The following MAP7D2 variants were observed in gnomAD, a reference collection of about 807,000 sequenced individuals.
MAP7D2 encodes the protein MAP7 domain-containing protein 2.
A neutral mutation model predicts 63.5 loss-of-function variants in MAP7D2; 33 were observed. The ratio of observed to expected loss-of-function variants is 0.52; its 90% CI spans 0.39 to 0.70. The LOEUF (loss-of-function observed/expected upper bound fraction) is 0.70. Ranked by LOEUF, MAP7D2 falls within the 30% of genes least tolerant of loss-of-function variation. The pLI, the probability that MAP7D2 is intolerant of heterozygous loss-of-function variation, is 0.00. For synonymous variants in MAP7D2, 224 were observed against 223.7 expected (o/e 1.00, Z -0.01); for missense variants, 626 against 604.0 (o/e 1.04, Z -0.38).
intron 1 of MAP7D2, among the ~76,000 whole-genome samples, chrX:20,066,958 T>C (rs2065376737): frequency 1.8e-5 from 2 of 112,248 alleles, no homozygotes; most frequent in African/African-American, 6.5e-5. Flanking sequence ...AGGTGTGAAG[T>C]TAGTGGAAGG....
At chrX:20,010,366 T>C (rs958058948) in intron 16 of MAP7D2, among the ~76,000 whole-genome samples, 1 of 112,141 alleles carries the variant, frequency 8.9e-6, no homozygotes, top group Admixed American at 9.4e-5. Flanking sequence ...TGTGGCCCTG[T>C]ATATGAATGA....
chrX:20,024,673 A>G (rs1438749037), intron 10 of MAP7D2, among the ~76,000 whole-genome samples: 2 of 112,271 alleles, frequency 1.8e-5, no homozygotes, highest in African/African-American at 6.5e-5. Flanking sequence ...GCCTGGCCCC[A>G]AAGTCCAAGA....
chrX:20,096,893 C>A (rs760101084), intron 1 of MAP7D2, among the ~76,000 whole-genome samples: 5 of 112,043 alleles, frequency 4.5e-5, no homozygotes, highest in Non-Finnish European at 3.8e-5. Context: ...AAAATGAATA[C>A]CCTTTTTGTA....
Position 20,106,851 on chromosome X carries a change from C to T in MAP7D2, c.130+9899G>A, listed in dbSNP as rs1368636391. Among the ~76,000 whole-genome samples the T allele has an allele frequency of 4.5e-5, 5 of 110,928 alleles. No homozygotes were observed. The Admixed American group carries it at 4.8e-4, about 11-fold the overall frequency. On this transcript the variant is annotated intron_variant, in intron 1 of 16. Transcript: ENST00000379643. The stretch of plus-strand genomic sequence containing the variant: ...TTCAAAAATGATCCAGGCATGGTGG[C>T]ACTCACCTGTGGTCCTGGCTACTTG...
rs1345059441 is a variant in MAP7D2 at position 20,042,409 on chromosome X, G to A, written c.1007+93C>T. ...CCACTTCTGGCTGGCCACGCCTCAC[G>A]GGGGAGCAGGAGCTGCAACACTGGA... On this transcript the variant is annotated intron_variant, in intron 8 of 16. Coordinates refer to ENST00000379643, the MANE Select transcript of MAP7D2 (RefSeq NM_001168465.2). The A allele has an allele frequency of 8.6e-5, 91 of 1,055,889 alleles. 1 individual carries two copies. The highest frequency in any genetic ancestry group is 1.0e-4 in the Non-Finnish European group (80 of 767,515). 87.0% of individuals were successfully genotyped at this position (1,055,889 alleles called of 1,213,427 possible).
At chrX:20,055,579 T>C (rs1424911394) in intron 4 of MAP7D2, among the ~76,000 whole-genome samples, 4 of 111,210 alleles carry the variant, frequency 3.6e-5, no homozygotes, top group Non-Finnish European at 7.5e-5. Context: ...AACAAAGAAA[T>C]ATGGGCATGT....
intron 5 of MAP7D2, among the ~76,000 whole-genome samples, 179 bp from the exon 6 acceptor site, chrX:20,051,125 G>A: frequency 8.9e-6 from 1 of 112,455 alleles, no homozygotes; most frequent in Non-Finnish European, 1.9e-5. Context: ...AACAAATAAT[G>A]TGTCCTTTAG....
rs748751207 is a variant in MAP7D2 at position 20,047,208 on chromosome X, C to T, written c.719-2684G>A. ...CTGGGACTGAGCTGAATTACCTGCA[C>T]TGGACTGAGCACCCTGAGGCACCAG... is the stretch of plus-strand genomic sequence containing the variant. On this transcript the variant is annotated intron_variant, in intron 6 of 16. Coordinates refer to ENST00000379643, the MANE Select transcript of MAP7D2 (RefSeq NM_001168465.2). 6.2e-5 allele frequency among the ~76,000 whole-genome samples: 7 copies of T among 112,726 alleles called. No individual in the cohort carries two copies. In the South Asian group the frequency reaches 2.5e-3, roughly 41 times the overall value.
chrX:20,107,439 C>G (rs1371921995), intron 1 of MAP7D2, among the ~76,000 whole-genome samples: 1 of 110,863 alleles, frequency 9.0e-6, no homozygotes, highest in Non-Finnish European at 1.9e-5. Context: ...GGCGTGGTGG[C>G]ATGTGCCTAT....
At chrX:20,111,570 T>C (rs778066471) in intron 1 of MAP7D2, among the ~76,000 whole-genome samples, 1 of 111,663 alleles carries the variant, frequency 9.0e-6, no homozygotes, top group Admixed American at 9.5e-5. Context: ...TCGTGGTCTC[T>C]ATATAGACAG....
At position 20,063,476 on chromosome X, in the gene MAP7D2, G is replaced by A. The variant is rs1342772059; in HGVS notation, c.310C>T (p.Arg104Trp). Residue 104 changes from arginine to tryptophan, a missense_variant, in exon 3 of 17, where the codon CGG becomes TGG. Physicochemically the swap from Arg to Trp is moderately radical, Grantham distance 101. Transcript: ENST00000379643. ...ACAGCAGCTCTCTTTTGGTCCTCCC[G>A]CTGCCGCTGCTCTTCCAGTTTTCGC... is the stretch of plus-strand genomic sequence containing the variant. ...RWRKLEEQRQREDQKRAAVEE... is the reference protein window; with the variant it reads ...RWRKLEEQRQWEDQKRAAVEE... 5 of 1,211,601 alleles carry A rather than the reference G, an allele frequency of 4.1e-6. No individual in the cohort carries two copies. The highest frequency in any genetic ancestry group is 3.5e-5 in the South Asian group (2 of 56,949).
intron 1 of MAP7D2, among the ~76,000 whole-genome samples, chrX:20,065,720 T>C (rs766967433): frequency 5.4e-5 from 6 of 111,792 alleles, no homozygotes; most frequent in Admixed American, 3.8e-4. Flanking sequence ...ATGGAACAAA[T>C]GACAACTTCC....
intron 1 of MAP7D2, among the ~76,000 whole-genome samples, chrX:20,090,346 A>G (rs1462728712): frequency 1.2e-5 from 1 of 83,793 alleles, no homozygotes; most frequent in African/African-American, 4.7e-5. Flanking sequence ...CCTGGGCGAC[A>G]GAGTGAGACT....
chrX:20,045,382 C>T (rs1688488333), intron 6 of MAP7D2, among the ~76,000 whole-genome samples: 1 of 109,056 alleles, frequency 9.2e-6, no homozygotes, highest in Non-Finnish European at 1.9e-5. Flanking sequence ...CAAAAATTAG[C>T]TTGGCATGGG....
chrX:20,090,649 A>G (rs1376097155), intron 1 of MAP7D2, among the ~76,000 whole-genome samples: 1 of 112,627 alleles, frequency 8.9e-6, no homozygotes, highest in Non-Finnish European at 1.9e-5. Flanking sequence ...TTCTTTCCAC[A>G]GTTAAAACAT....
intron 1 of MAP7D2, among the ~76,000 whole-genome samples, chrX:20,077,773 T>C (rs983436625): frequency 1.1e-4 from 12 of 112,201 alleles, no homozygotes; most frequent in African/African-American, 3.2e-4. Context: ...ATTACAACAC[T>C]GCCAGTGTAA....
chrX:20,104,679 T>C (rs182882169), intron 1 of MAP7D2, among the ~76,000 whole-genome samples: 5 of 112,215 alleles, frequency 4.5e-5, no homozygotes, highest in South Asian at 7.5e-4. Context: ...ATTATCTAGC[T>C]AATGAAAATG....
intron 8 of MAP7D2, among the ~76,000 whole-genome samples, chrX:20,042,123 A>G (rs923249380): frequency 1.8e-5 from 2 of 111,259 alleles, no homozygotes; most frequent in Non-Finnish European, 1.9e-5. Context: ...TCTCTCTATT[A>G]AAGAGAGAGA....
At chrX:20,009,985 A>G (rs928169670) in intron 16 of MAP7D2, among the ~76,000 whole-genome samples, 3 of 112,134 alleles carry the variant, frequency 2.7e-5, no homozygotes, top group African/African-American at 9.7e-5. Context: ...ACAGAGTGAG[A>G]TCACTTCTCT....
Sources: gnomAD v4.1 joint callset for allele counts (sites outside exome capture counted in the v4.1 genomes callset) on GRCh38, gnomAD v4.1.1 for gene constraint, MANE v1.5 for transcripts, NCBI Gene and HGNC (gene_info 2026-07-23, HGNC 2026-07-21) for gene names.